ICMT: variants seen among roughly 807,000 people sequenced by gnomAD.
ICMT encodes the protein protein-S-isoprenylcysteine O-methyltransferase.
A neutral mutation model predicts 32.2 loss-of-function variants in ICMT; 10 were observed. The ratio of observed to expected loss-of-function variants is 0.31; its 90% CI spans 0.19 to 0.53. The LOEUF (loss-of-function observed/expected upper bound fraction) is 0.53. ICMT is among the 20% of genes least tolerant of loss of function. The pLI is 0.96. For missense variants in ICMT, 265 were observed against 356.9 expected, an observed-to-expected ratio of 0.74 and a Z score of 2.07; for synonymous variants, 183 against 158.2, an observed-to-expected ratio of 1.16 and a Z score of -1.18.
Position 6,234,552 on chromosome 1 carries a change from C to G in ICMT, c.284+334G>C, listed in dbSNP as rs917950872. The G allele has an allele frequency of 8.2e-6, 4 of 487,536 alleles. No individual in the cohort carries two copies. The Admixed American group carries it at 9.4e-5, about 11-fold the overall frequency. 30.2% of individuals were successfully genotyped at this position (487,536 alleles called of 1,614,324 possible). On this transcript the variant is annotated intron_variant, in intron 2 of 4. Transcript: ENST00000343813. Reference sequence around the variant, plus strand: ...GATGAAAAAGGCCCATGAAGACAAGCCAGAGCCCTGCCCCTGCCCGCCACC... The same window carrying G: ...GATGAAAAAGGCCCATGAAGACAAGGCAGAGCCCTGCCCCTGCCCGCCACC...
At position 6,224,764 on chromosome 1, in the gene ICMT, T is replaced by C; in HGVS notation, c.*316A>G. 3.6e-6 allele frequency: 1 copy of C among 281,428 alleles called. No homozygotes were observed. The highest frequency in any genetic ancestry group is 6.6e-6 in the Non-Finnish European group (1 of 152,310). 17.4% of individuals were successfully genotyped at this position (281,428 alleles called of 1,614,324 possible). A position where few individuals can be genotyped will look rare whatever the true frequency, so the allele number is the denominator to read the frequency against. ...AGTCCTGGTTATCCTTTACTTACAC[T>C]CTGGCCTCGGGGGCAGTGGCGTGTG... On this transcript the variant is annotated 3_prime_UTR_variant, in exon 5 of 5. Coordinates refer to ENST00000343813, the MANE Select transcript of ICMT (RefSeq NM_012405.4).
rs1668576622 is a variant in ICMT, at chr1:6,222,804, C to A, written c.*2276G>T. On this transcript the variant is annotated 3_prime_UTR_variant, in exon 5 of 5. Transcript: ENST00000343813. ...CAATGGGAATGGAGGCTGGGCCCGC[C>A]CTACTTAGAGCAGGGGAAAGAACTT... The A allele has an allele frequency of 6.6e-6, 1 of 152,238 alleles. No homozygotes were observed. Among genetic ancestry groups the A allele is most frequent in the Non-Finnish European group, 1.5e-5 (1 of 68,070 alleles). The allele number at this position is 152,238 out of a possible 1,614,324, so 9.4% of individuals were successfully genotyped here.
Position 6,224,931 on chromosome 1 carries a change from C to G in ICMT, c.*149G>C, listed in dbSNP as rs1260723698. On this transcript the variant is annotated 3_prime_UTR_variant, in exon 5 of 5. Coordinates refer to ENST00000343813, the MANE Select transcript of ICMT (RefSeq NM_012405.4). ...GTGGGGCCTTGGGTCCTCAGGCCTTCTGACCGCTTGGTCTTGAGTGACATT... is the reference window on the plus strand; with the variant it reads ...GTGGGGCCTTGGGTCCTCAGGCCTTGTGACCGCTTGGTCTTGAGTGACATT... The G allele has an allele frequency of 1.2e-5, 9 of 763,560 alleles. No homozygotes were observed. In the East Asian group the frequency reaches 2.2e-4, roughly 19 times the overall value. The allele number at this position is 763,560 out of a possible 1,614,324, so 47.3% of individuals were successfully genotyped here. A position where few individuals can be genotyped will look rare whatever the true frequency, so the allele number is the denominator to read the frequency against.
Position 6,232,018 on chromosome 1 carries a change from T to G in ICMT, c.556A>C (p.Asn186His), listed in dbSNP as rs780678196. 1 of 1,614,142 alleles carries G rather than the reference T, an allele frequency of 6.2e-7. No individual in the cohort carries two copies. Among genetic ancestry groups the G allele is most frequent in the Non-Finnish European group, 8.5e-7 (1 of 1,180,020 alleles). Residue 186 changes from asparagine to histidine, a missense_variant, in exon 4 of 5, where the codon AAC (asparagine) becomes CAC (histidine). Asn to His is a moderately conservative substitution (Grantham distance 68). Around this residue, in one of 2 missense-constraint regions of ICMT, gnomAD observed 166 missense variants for 264.3 expected, o/e 0.63. Coordinates refer to ENST00000343813, the MANE Select transcript of ICMT (RefSeq NM_012405.4). ...AAMFTAGSNF[N>H]HVVQNEKSDT... The stretch of plus-strand genomic sequence containing the variant: ...GATTTTTCATTCTGTACCACGTGGT[T>G]GAAATTGGAGCCAGCTGTAAACATG...
intron 3 of ICMT, among the ~76,000 whole-genome samples, chr1:6,233,018 T>C (rs1668761542): frequency 6.6e-6 from 1 of 151,892 alleles, no homozygotes; most frequent in Admixed American, 6.6e-5. Flanking sequence ...CCACTACGCC[T>C]GGCTTTTTTG....
At chr1:6,225,723 C>G (rs556477133) in intron 4 of ICMT, among the ~76,000 whole-genome samples, 1 of 152,298 alleles carries the variant, frequency 6.6e-6, no homozygotes, top group East Asian at 1.9e-4. Context: ...CGAAATGCCC[C>G]TTCCAGCAGA....
At position 6,228,198 on chromosome 1, in the gene ICMT, T is replaced by C. The variant is rs547590401; in HGVS notation, c.673-2936A>G. Among the ~76,000 whole-genome samples, 55 of 152,310 alleles carry C rather than the reference T, an allele frequency of 3.6e-4. No individual in the cohort carries two copies. The South Asian group carries it at 0.011, about 30-fold the overall frequency. On this transcript the variant is annotated intron_variant, in intron 4 of 4. Coordinates refer to ENST00000343813, the MANE Select transcript of ICMT (RefSeq NM_012405.4). Reference sequence around the variant, plus strand: ...CAGGGTCTCACTCTGTTGCCCAGACTGGAGTACAGCAGCAATCAAAGCGAT... The same window carrying C: ...CAGGGTCTCACTCTGTTGCCCAGACCGGAGTACAGCAGCAATCAAAGCGAT...
At chr1:6,229,562 G>C (rs1284959443) in intron 4 of ICMT, among the ~76,000 whole-genome samples, 1 of 152,148 alleles carries the variant, frequency 6.6e-6, no homozygotes, top group Non-Finnish European at 1.5e-5. Flanking sequence ...AGAAGGCTGA[G>C]GCAGGAGAAT....
chr1:6,235,898 G>T lies in ICMT; in HGVS notation c.14C>A (p.Ala5Glu). Residue 5 changes from alanine to glutamate, a missense_variant, in exon 1 of 5, where the codon GCG (alanine) becomes GAG (glutamate). Physicochemically the swap from Ala to Glu is moderately radical, Grantham distance 107 (BLOSUM62 -1). Coordinates refer to ENST00000343813, the MANE Select transcript of ICMT (RefSeq NM_012405.4). ...CTCAGAGCCCGGCGGAGCCCGCGCCGCGCAGCCCGCCATGGCGCCGGGCGG... is the reference window on the plus strand; with the variant it reads ...CTCAGAGCCCGGCGGAGCCCGCGCCTCGCAGCCCGCCATGGCGCCGGGCGG... The part of the protein sequence containing the change: MAGC[A>E]ARAPPGSEAR... 2 of 1,128,352 alleles carry T rather than the reference G, an allele frequency of 1.8e-6. No homozygotes were observed. Among genetic ancestry groups the T allele is most frequent in the African/African-American group, 3.3e-5 (2 of 60,724 alleles). 69.9% of individuals were successfully genotyped at this position (1,128,352 alleles called of 1,614,324 possible).
At chr1:6,228,465 C>T (rs1438819384) in intron 4 of ICMT, among the ~76,000 whole-genome samples, 1 of 152,094 alleles carries the variant, frequency 6.6e-6, no homozygotes, top group Non-Finnish European at 1.5e-5. Flanking sequence ...GCCTCAGCCT[C>T]CCAAGTAGCT....
rs1234926626 is a variant in ICMT, at chr1:6,222,307, C to T, written c.*2773G>A. 2 of 152,300 alleles carry T rather than the reference C, an allele frequency of 1.3e-5. No individual in the cohort carries two copies. Among genetic ancestry groups the T allele is most frequent in the African/African-American group, 4.8e-5 (2 of 41,474 alleles). The allele number at this position is 152,300 out of a possible 1,614,324, so 9.4% of individuals were successfully genotyped here. ...GCATGGTGGCCCAAGCCTGTAATCC[C>T]AGCTACTCAGGAGGCTGAGGCAGGA... On this transcript the variant is annotated 3_prime_UTR_variant, in exon 5 of 5. Coordinates refer to ENST00000343813, the MANE Select transcript of ICMT (RefSeq NM_012405.4).
chr1:6,225,235 C>G lies in ICMT; in HGVS notation c.700G>C (p.Val234Leu). 1 of 1,613,708 alleles carries G rather than the reference C, an allele frequency of 6.2e-7. No homozygotes were observed. The highest frequency in any genetic ancestry group is 8.5e-7 in the Non-Finnish European group (1 of 1,179,936). Reference protein sequence around the residue: ...QVMLCNPICGVSYALTVWRFF... With the variant: ...QVMLCNPICGLSYALTVWRFF... ...CGCCACACTGTCAGGGCATAGCTGA[C>G]GCCGCAGATGGGGTTACACAGCATC... Residue 234 changes from valine (V) to leucine (L), a missense_variant, in exon 5 of 5, where the codon GTC (valine) becomes CTC (leucine). Physicochemically the swap from Val to Leu is conservative, Grantham distance 32. Around this residue, in one of 2 missense-constraint regions of ICMT, gnomAD observed 166 missense variants for 264.3 expected, o/e 0.63. Coordinates refer to ENST00000343813, the MANE Select transcript of ICMT (RefSeq NM_012405.4).
rs913369126 is a variant in ICMT, at chr1:6,233,376, G to A, written c.454+98C>T. 3 of 1,114,350 alleles carry A rather than the reference G, an allele frequency of 2.7e-6. No homozygotes were observed. In the Admixed American group the frequency reaches 6.8e-5, roughly 25 times the overall value. The allele number at this position is 1,114,350 out of a possible 1,614,324, so 69.0% of individuals were successfully genotyped here. On this transcript the variant is annotated intron_variant, in intron 3 of 4. Transcript: ENST00000343813. ...ATAGAGGTCTGCGGAAAATCGCTTG[G>A]GGGAGATTAGACCTGAAAGGTGAAT...
chr1:6,227,806 A>T (rs896462053), intron 4 of ICMT, among the ~76,000 whole-genome samples: 4 of 151,794 alleles, frequency 2.6e-5, no homozygotes, highest in African/African-American at 9.7e-5. Context: ...CAGTGAGCCG[A>T]GATTGCGCCA....
chr1:6,231,048 C>T (rs981451066), intron 4 of ICMT, among the ~76,000 whole-genome samples: 8 of 150,988 alleles, frequency 5.3e-5, no homozygotes, highest in African/African-American at 1.2e-4. Flanking sequence ...AAAAAAAATA[C>T]GAAAAGTAGT....
In ICMT at chr1:6,235,827, C is replaced by T. The variant is rs1299873021; in HGVS notation, c.85G>A (p.Ala29Thr). Reference sequence around the variant, plus strand: ...CCGGCGCGCGTGAGCAGCGGCAGCGCGAGCACCGAGGCGCCCAGCAGGAAG... The same window carrying T: ...CCGGCGCGCGTGAGCAGCGGCAGCGTGAGCACCGAGGCGCCCAGCAGGAAG... ...ATFLLGASVL[A>T]LPLLTRAGLQ... Residue 29 changes from alanine (A) to threonine (T), a missense_variant, in exon 1 of 5, where the codon GCG (alanine) becomes ACG (threonine). This residue lies in a region of ICMT where 99 missense variants were observed against 92.6 expected (regional missense o/e 1.07). Transcript: ENST00000343813. The T allele has an allele frequency of 2.3e-6, 3 of 1,298,974 alleles. No homozygotes were observed. Among genetic ancestry groups the T allele is most frequent in the African/African-American group, 3.1e-5 (2 of 63,880 alleles). 80.5% of individuals were successfully genotyped at this position (1,298,974 alleles called of 1,614,324 possible).
intron 2 of ICMT, among the ~76,000 whole-genome samples, chr1:6,234,672 T>C (rs904823585): frequency 6.6e-6 from 1 of 152,014 alleles, no homozygotes; most frequent in Non-Finnish European, 1.5e-5. Context: ...GCCAGGGAGA[T>C]CTGTTTCTGC....
chr1:6,224,794 C>T lies in ICMT; in HGVS notation c.*286G>A, dbSNP rs189088074. On this transcript the variant is annotated 3_prime_UTR_variant, in exon 5 of 5. Transcript: ENST00000343813. ...CCTCGGGGGCAGTGGCGTGTGGCCTCGGTCCTCCCCAGGTAACTCTGGAGG... is the reference window on the plus strand; with the variant it reads ...CCTCGGGGGCAGTGGCGTGTGGCCTTGGTCCTCCCCAGGTAACTCTGGAGG... The T allele has an allele frequency of 3.7e-5, 13 of 346,752 alleles. No homozygotes were observed. Among genetic ancestry groups the T allele is most frequent in the Admixed American group, 1.4e-4 (3 of 21,310 alleles). The allele number at this position is 346,752 out of a possible 1,614,324, so 21.5% of individuals were successfully genotyped here.
intron 3 of ICMT, 144 bp downstream of exon 3, chr1:6,233,329 CT>C: frequency 1.4e-6 from 1 of 719,220 alleles, no homozygotes. Flanking sequence ...GGAGCTCATC[CT>C]TTATAAATAG....
Sources: gnomAD v4.1 joint callset for allele counts (sites outside exome capture counted in the v4.1 genomes callset) on GRCh38, gnomAD v4.1.1 for gene constraint, gnomAD v4.1.1 regional missense constraint, MANE v1.5 for transcripts, NCBI Gene and HGNC (gene_info 2026-07-23, HGNC 2026-07-21) for gene names.